The following EXPH5 variants were observed in gnomAD, a reference collection of about 807,000 sequenced individuals.
EXPH5 encodes the protein exophilin 5, also known as exophilin-5.
Under a neutral mutation model 41.1 loss-of-function variants are expected in EXPH5, and 42 were observed. The ratio of observed to expected loss-of-function variants is 1.02; its 90% CI spans 0.80 to 1.32. The LOEUF (loss-of-function observed/expected upper bound fraction) is 1.32, where lower values mean the gene tolerates loss of function less well. Among genes scored for constraint, EXPH5 ranks in the 40% most tolerant of loss-of-function variants. The pLI is 0.00. For missense variants in EXPH5, 2,298 were observed against 2,314.5 expected, an observed-to-expected ratio of 0.99 and a Z score of 0.15; for synonymous variants, 798 against 833.5, an observed-to-expected ratio of 0.96 and a Z score of 0.73.
chr11:108,597,224 G>A (rs545974650), upstream of EXPH5, among the ~76,000 whole-genome samples: 4 of 152,206 alleles, frequency 2.6e-5, no homozygotes, highest in Admixed American at 1.3e-4. Flanking sequence ...TTGAGATGGA[G>A]TCTCACTCTG....
the EXPH5 span, among the ~76,000 whole-genome samples, chr11:108,599,903 T>C: frequency 1.8e-3 from 271 of 152,344 alleles, 3 homozygotes; most frequent in African/African-American, 6.1e-3. Context: ...CTGCTCTCAA[T>C]AGATTTTGGA....
chr11:108,551,509 C>G (rs1249744113), intron 1 of EXPH5, among the ~76,000 whole-genome samples: 2 of 152,170 alleles, frequency 1.3e-5, no homozygotes, highest in Non-Finnish European at 2.9e-5. Context: ...CTGTTTATCT[C>G]CTCTCTGACA....
chr11:108,554,678 T>G (rs1245796281), intron 1 of EXPH5, among the ~76,000 whole-genome samples: 1 of 152,110 alleles, frequency 6.6e-6, no homozygotes, highest in South Asian at 2.1e-4. Context: ...TCCCAGCACT[T>G]AGGGAGGCCA....
chr11:108,573,196 G>GAAAGAA, intron 1 of EXPH5, among the ~76,000 whole-genome samples: 1 of 107,828 alleles, frequency 9.3e-6, no homozygotes, highest in East Asian at 3.9e-4. Context: ...AAGAAAGAAA[G>GAAAGAA]AAAAAGAAAG....
chr11:108,549,271 G>T (rs1159676364), intron 1 of EXPH5, among the ~76,000 whole-genome samples: 1 of 152,212 alleles, frequency 6.6e-6, no homozygotes, highest in Non-Finnish European at 1.5e-5. Context: ...CAGAGGCCCA[G>T]CCCTCTGTTC....
intron 1 of EXPH5, among the ~76,000 whole-genome samples, chr11:108,562,479 C>T (rs1291366100): frequency 6.6e-6 from 1 of 150,564 alleles, no homozygotes; most frequent in East Asian, 2.0e-4. Context: ...TATGCTGGTG[C>T]ATACCTGTAG....
chr11:108,532,358 ATATATATATTTTTTTTTT>A (rs1419166007), intron 3 of EXPH5, among the ~76,000 whole-genome samples: 2 of 19,004 alleles, frequency 1.1e-4, no homozygotes, highest in African/African-American at 4.2e-4. Context: ...ATATATATAT[ATATATATATTTTTTTTTT>A]TTTTTTTTTT....
intron 1 of EXPH5, among the ~76,000 whole-genome samples, chr11:108,554,780 C>T (rs770192271): frequency 4.6e-5 from 7 of 152,028 alleles, no homozygotes; most frequent in Non-Finnish European, 7.4e-5. Flanking sequence ...AAAAATTAGC[C>T]GGGCGTGGTG....
At chr11:108,545,488 T>A (rs2093933851) in intron 1 of EXPH5, among the ~76,000 whole-genome samples, 1 of 152,044 alleles carries the variant, frequency 6.6e-6, no homozygotes. Flanking sequence ...CAAATAGTGA[T>A]AAACATGACT....
At chr11:108,530,259 AC>A (rs1267861885) in intron 3 of EXPH5, among the ~76,000 whole-genome samples, 1 of 151,892 alleles carries the variant, frequency 6.6e-6, no homozygotes, top group East Asian at 1.9e-4. Context: ...TTCCTCCTAC[AC>A]TCTACATACT....
chr11:108,538,132 A>G (rs935674909), intron 3 of EXPH5: 5 of 985,358 alleles, frequency 5.1e-6, no homozygotes, highest in Non-Finnish European at 6.0e-6. Flanking sequence ...TAAATCCAGC[A>G]GCCTCATCAC....
At chr11:108,524,880 A>G (rs752944226) in intron 4 of EXPH5, among the ~76,000 whole-genome samples, 1 of 152,212 alleles carries the variant, frequency 6.6e-6, no homozygotes, top group Non-Finnish European at 1.5e-5. Flanking sequence ...TGTGCCAGGC[A>G]GTGGGGATAC....
At chr11:108,585,080 A>G (rs2094109432) in intron 1 of EXPH5, among the ~76,000 whole-genome samples, 1 of 152,192 alleles carries the variant, frequency 6.6e-6, no homozygotes, top group African/African-American at 2.4e-5. Flanking sequence ...CCAACTAAAA[A>G]CTGTTCAAAA....
chr11:108,599,006 C>T, the EXPH5 span, among the ~76,000 whole-genome samples: 4 of 140,678 alleles, frequency 2.8e-5, no homozygotes, highest in African/African-American at 1.1e-4. Flanking sequence ...AAGTGTGTAG[C>T]ATATGGTAAG....
intron 4 of EXPH5, among the ~76,000 whole-genome samples, chr11:108,523,285 C>T (rs750359625): frequency 6.6e-6 from 1 of 152,156 alleles, no homozygotes; most frequent in Non-Finnish European, 1.5e-5. Flanking sequence ...TAGGAATTAT[C>T]ATTCCCATTT....
In EXPH5 at chr11:108,514,703, AT is replaced by A; in HGVS notation, c.803del (p.Asn268IlefsTer8). On this transcript the variant is annotated frameshift_variant, in exon 6 of 6. Coordinates refer to ENST00000265843, the MANE Select transcript of EXPH5 (RefSeq NM_015065.3). LOFTEE classifies it low-confidence loss of function (END_TRUNC). ...GTCTTAGGATGTCATAGATAGACAT[AT>A]TGGAAGTTTCATTATAGTGTTTTTT... ...RHKKHYNETS[N>X]MSIYDILRPG... 1 of 1,606,534 alleles carries A rather than the reference AT, an allele frequency of 6.2e-7. No individual in the cohort carries two copies. Among genetic ancestry groups the A allele is most frequent in the Non-Finnish European group, 8.5e-7 (1 of 1,177,558 alleles).
intron 4 of EXPH5, among the ~76,000 whole-genome samples, chr11:108,526,277 A>G (rs868396618): frequency 1.3e-5 from 2 of 151,980 alleles, no homozygotes; most frequent in Admixed American, 6.6e-5. Flanking sequence ...ACTGGGTTCC[A>G]TTTCCCTTAT....
intron 1 of EXPH5, among the ~76,000 whole-genome samples, chr11:108,580,104 G>A (rs1197441058): frequency 6.6e-6 from 1 of 152,132 alleles, no homozygotes; most frequent in Non-Finnish European, 1.5e-5. Flanking sequence ...AATCAACAGA[G>A]TGAAAAGATA....
chr11:108,598,432 T>G (rs1358344550), upstream of EXPH5, among the ~76,000 whole-genome samples: 1 of 152,176 alleles, frequency 6.6e-6, no homozygotes, highest in African/African-American at 2.4e-5. Context: ...CAAACAGGTC[T>G]CTGTCTTCAG....
Sources: allele counts gnomAD v4.1 joint callset (sites outside exome capture counted in the v4.1 genomes callset), GRCh38; gene constraint gnomAD v4.1.1; transcripts MANE v1.5; gene names NCBI Gene and HGNC (gene_info 2026-07-23, HGNC 2026-07-21).